Variants in EGFL6 observed in about 807,000 individuals in gnomAD.
The protein encoded by EGFL6 is EGF like domain multiple 6.
In EGFL6, 42 loss-of-function variants were observed where a neutral mutation model predicts 43.1. The observed-to-expected ratio is 0.98, with a 90% CI of 0.76 to 1.26. EGFL6 has a LOEUF of 1.26. Among genes scored for constraint, EGFL6 ranks in the 50% most tolerant of loss-of-function variants. The probability of loss-of-function intolerance (pLI) is 0.00; values close to 1 mark genes in which losing one functional copy is unlikely to be tolerated. For missense variants in EGFL6, 429 were observed against 427.8 expected (o/e 1.00, Z -0.02); for synonymous variants, 164 against 163.2 (o/e 1.01, Z -0.04).
At chrX:13,584,844 C>G (rs769360938) in intron 1 of EGFL6, among the ~76,000 whole-genome samples, 3 of 111,331 alleles carry the variant, frequency 2.7e-5, no homozygotes, top group African/African-American at 9.8e-5. Context: ...ATGAATGAAT[C>G]ACTCTAATCC....
At position 13,600,082 on chromosome X, in the gene EGFL6, G is replaced by A. The variant is rs1279825044; in HGVS notation, c.388G>A (p.Ala130Thr). 1.7e-6 allele frequency: 2 copies of A among 1,210,952 alleles called. No individual in the cohort carries two copies. The highest frequency in any genetic ancestry group is 1.1e-6 in the Non-Finnish European group (1 of 895,180). The change falls in exon 4 of 12, where the codon GCT (alanine) becomes ACT (threonine). Residue 130 changes from alanine (A) to threonine (T), a missense_variant. Physicochemically the swap from Ala to Thr is moderately conservative, Grantham distance 58. Transcript: ENST00000361306. ...CLSGHMLMPD[A>T]TCVNSRTCAM... Reference sequence around the variant, plus strand: ...CAGTGGCCACATGCTCATGCCAGATGCTACGTGTGTGAGTAAGTTTCAACA... The same window carrying A: ...CAGTGGCCACATGCTCATGCCAGATACTACGTGTGTGAGTAAGTTTCAACA...
At chrX:13,626,905 T>C (rs2045783312) in intron 10 of EGFL6, 106 bp from the exon 11 acceptor site, 1 of 867,205 alleles carries the variant, frequency 1.2e-6, no homozygotes, top group Non-Finnish European at 1.6e-6. Context: ...ACTTCAGCTT[T>C]CCCTATAGGA....
intron 1 of EGFL6, among the ~76,000 whole-genome samples, chrX:13,577,300 A>T (rs1325030100): frequency 2.5e-5 from 2 of 80,573 alleles, no homozygotes; most frequent in Admixed American, 3.0e-4. Context: ...TATGAATTTT[A>T]TATATATATA....
chrX:13,605,578 CAA>C (rs61513005), intron 5 of EGFL6, among the ~76,000 whole-genome samples: 19 of 60,332 alleles, frequency 3.1e-4, no homozygotes, highest in East Asian at 5.1e-4. Flanking sequence ...GGCCTTGTCT[CAA>C]AAAAAAAAAA....
At chrX:13,592,474 A>G (rs1463782606) in intron 2 of EGFL6, among the ~76,000 whole-genome samples, 1 of 112,387 alleles carries the variant, frequency 8.9e-6, no homozygotes, top group Admixed American at 9.4e-5. Context: ...ACAACACTAT[A>G]TTAAATGCTA....
Position 13,569,854 on chromosome X carries a change from G to A in EGFL6, c.-8G>A, listed in dbSNP as rs748177658. On this transcript the variant is annotated 5_prime_UTR_variant, in exon 1 of 12. It adds an upstream start codon to the 5' untranslated region. Transcript: ENST00000361306. ...GGCTCAGGAGGAGGAAGGAGGACCC[G>A]TGCGAGAATGCCTCTGCCCTGGAGC... The A allele has an allele frequency of 1.9e-5, 23 of 1,211,510 alleles. No individual in the cohort carries two copies. The highest frequency in any genetic ancestry group is 2.5e-5 in the Non-Finnish European group (22 of 895,005).
At chrX:13,575,038 G>T (rs1006489283) in intron 1 of EGFL6, 1 of 115,747 alleles carries the variant, frequency 8.6e-6, no homozygotes, top group Non-Finnish European at 1.8e-5. Flanking sequence ...ATCATTAGAA[G>T]CATGCCATAA....
chrX:13,598,854 TATATAATTC>T (rs1485534218), intron 3 of EGFL6, among the ~76,000 whole-genome samples: 13 of 67,464 alleles, frequency 1.9e-4, no homozygotes, highest in Non-Finnish European at 3.1e-4. Flanking sequence ...ATAATTCACA[TATATAATTC>T]ATATATATTT....
intron 2 of EGFL6, among the ~76,000 whole-genome samples, chrX:13,591,487 A>G (rs1389625021): frequency 8.9e-6 from 1 of 112,143 alleles, no homozygotes; most frequent in Non-Finnish European, 1.9e-5. Flanking sequence ...AATTGCAATG[A>G]TTTTTAGATC....
intron 7 of EGFL6, 118 bp downstream of exon 7, chrX:13,608,564 A>C: frequency 1.1e-6 from 1 of 901,725 alleles, no homozygotes; most frequent in Non-Finnish European, 1.5e-6. Flanking sequence ...CCTCTCCCTT[A>C]CTCTCACTCT....
Position 13,633,205 on chromosome X carries a change from C to T in EGFL6, c.*110C>T. On this transcript the variant is annotated 3_prime_UTR_variant, in exon 12 of 12. Coordinates refer to ENST00000361306, the MANE Select transcript of EGFL6 (RefSeq NM_015507.4). The stretch of plus-strand genomic sequence containing the variant: ...TTACTAGCTGAAAAATTGTAATGTA[C>T]CAACAGAAATATTATTGTAAGATGC... The T allele has an allele frequency of 1.7e-6, 1 of 578,611 alleles. No individual in the cohort carries two copies. The highest frequency in any genetic ancestry group is 2.6e-6 in the Non-Finnish European group (1 of 378,846). 47.7% of individuals were successfully genotyped at this position (578,611 alleles called of 1,213,427 possible).
At chrX:13,610,448 C>T (rs1036203788) in intron 7 of EGFL6, among the ~76,000 whole-genome samples, 1 of 111,208 alleles carries the variant, frequency 9.0e-6, no homozygotes, top group Non-Finnish European at 1.9e-5. Flanking sequence ...TATTAAATGA[C>T]CACTTAGTGT....
intron 1 of EGFL6, among the ~76,000 whole-genome samples, chrX:13,576,083 A>G: frequency 8.9e-6 from 1 of 112,139 alleles, no homozygotes; most frequent in East Asian, 2.8e-4. Context: ...TTGCATTGCT[A>G]TAAAGAAATA....
At chrX:13,599,863 G>A in intron 3 of EGFL6, 112 bp from the exon 4 acceptor site, 1 of 755,878 alleles carries the variant, frequency 1.3e-6, no homozygotes, top group Non-Finnish European at 2.0e-6. Context: ...GTAAGTGGTG[G>A]TGTTCAGGGA....
intron 7 of EGFL6, among the ~76,000 whole-genome samples, chrX:13,610,554 G>A (rs1312906945): frequency 8.9e-6 from 1 of 112,207 alleles, no homozygotes; most frequent in African/African-American, 3.2e-5. Flanking sequence ...TGGCTGCCCA[G>A]GCAGGGCTGT....
chrX:13,591,762 C>G (rs1293759989), intron 2 of EGFL6, among the ~76,000 whole-genome samples: 2 of 111,160 alleles, frequency 1.8e-5, no homozygotes, highest in Non-Finnish European at 3.8e-5. Context: ...GAAGCCCTGC[C>G]TCTATGTATC....
At chrX:13,577,454 T>TTA (rs1452577673) in intron 1 of EGFL6, among the ~76,000 whole-genome samples, 1 of 104,903 alleles carries the variant, frequency 9.5e-6, no homozygotes, top group African/African-American at 3.4e-5. Context: ...TATATACATA[T>TTA]TATATATATA....
At chrX:13,601,890 A>T (rs1308639121) in intron 4 of EGFL6, among the ~76,000 whole-genome samples, 1 of 111,596 alleles carries the variant, frequency 9.0e-6, no homozygotes, top group East Asian at 2.8e-4. Flanking sequence ...AATTTCAAAA[A>T]AGATGTACGC....
intron 8 of EGFL6, among the ~76,000 whole-genome samples, chrX:13,618,524 G>C (rs371593451): frequency 8.9e-6 from 1 of 112,623 alleles, no homozygotes; most frequent in African/African-American, 3.2e-5. Flanking sequence ...AGCCAAAATC[G>C]ACAAATGTAG....
Sources: gnomAD v4.1 joint callset for allele counts (sites outside exome capture counted in the v4.1 genomes callset) on GRCh38, gnomAD v4.1.1 for gene constraint, MANE v1.5 for transcripts, NCBI Gene and HGNC (gene_info 2026-07-23, HGNC 2026-07-21) for gene names.